Variants in GRIA2 observed in about 807,000 individuals in gnomAD.
GRIA2 encodes the protein glutamate receptor 2.
In GRIA2, 14 loss-of-function variants were observed where a neutral mutation model predicts 97.3. The ratio of observed to expected loss-of-function variants is 0.14; its 90% CI spans 0.10 to 0.23. The LOEUF (loss-of-function observed/expected upper bound fraction) is 0.23, where lower values mean the gene tolerates loss of function less well. Ranked by LOEUF, GRIA2 falls within the 10% of genes least tolerant of loss-of-function variation. The pLI is 1.00. For missense variants in GRIA2, 558 were observed against 1,069.8 expected, an observed-to-expected ratio of 0.52 and a Z score of 6.67; for synonymous variants, 412 against 387.8, an observed-to-expected ratio of 1.06 and a Z score of -0.73.
intron 2 of GRIA2, among the ~76,000 whole-genome samples, chr4:157,271,945 C>T (rs1025785739): frequency 6.6e-5 from 10 of 151,940 alleles, no homozygotes; most frequent in African/African-American, 2.4e-4. Context: ...GCAAAGAATG[C>T]CTTTTAGAAC....
rs1450253116 is a variant in GRIA2 at position 157,363,904 on chromosome 4, C to CT, written c.*475dup. ...TTGTTAGTCTCTTGATTCATAATGA[C>CT]TTAAGCACACTTGACATCAACTGCA... is the stretch of plus-strand genomic sequence containing the variant. On this transcript the variant is annotated 3_prime_UTR_variant, in exon 16 of 16. Transcript: ENST00000264426. 5 of 209,144 alleles carry CT rather than the reference C, an allele frequency of 2.4e-5. No individual in the cohort carries two copies. Among genetic ancestry groups the CT allele is most frequent in the Admixed American group, 1.8e-4 (3 of 17,024 alleles). The allele number at this position is 209,144 out of a possible 1,614,324, so 13.0% of individuals were successfully genotyped here. A position where few individuals can be genotyped will look rare whatever the true frequency, so the allele number is the denominator to read the frequency against.
At chr4:157,222,535 T>C (rs574245095) in intron 2 of GRIA2, among the ~76,000 whole-genome samples, 1 of 152,228 alleles carries the variant, frequency 6.6e-6, no homozygotes, top group African/African-American at 2.4e-5. Flanking sequence ...TCAGTTGCGC[T>C]TCCGCTTAAG....
intron 12 of GRIA2, among the ~76,000 whole-genome samples, chr4:157,356,153 T>TTATATA (rs1736357669): frequency 7.5e-6 from 1 of 132,576 alleles, no homozygotes; most frequent in Admixed American, 8.7e-5. Context: ...TTATATTTAT[T>TTATATA]TATTTATATA....
intron 8 of GRIA2, among the ~76,000 whole-genome samples, chr4:157,333,702 A>G (rs1223769174): frequency 2.0e-5 from 3 of 152,128 alleles, no homozygotes; most frequent in Non-Finnish European, 4.4e-5. Context: ...TTCAACATCA[A>G]CCTTTTAGCT....
intron 2 of GRIA2, among the ~76,000 whole-genome samples, chr4:157,240,548 A>G (rs987606098): frequency 2.0e-5 from 3 of 151,924 alleles, no homozygotes; most frequent in Admixed American, 6.6e-5. Context: ...TCTTCCTGCA[A>G]TTTGAAATCA....
chr4:157,360,728 CTG>C (rs1736597223), intron 13 of GRIA2: 1 of 516,974 alleles, frequency 1.9e-6, no homozygotes, highest in Non-Finnish European at 3.7e-6. Context: ...ATTCAAGACA[CTG>C]TTATTTGTTT....
chr4:157,331,317 C>T (rs537517389), intron 6 of GRIA2, among the ~76,000 whole-genome samples: 1 of 151,864 alleles, frequency 6.6e-6, no homozygotes, highest in East Asian at 1.9e-4. Flanking sequence ...ATTTGTAGAC[C>T]TCAAACACAT....
chr4:157,309,918 C>T (rs570983700), intron 3 of GRIA2, among the ~76,000 whole-genome samples: 7 of 152,106 alleles, frequency 4.6e-5, no homozygotes, highest in African/African-American at 1.7e-4. Flanking sequence ...ATATGAATAG[C>T]ACAGAGACCC....
chr4:157,362,753 C>T, intron 14 of GRIA2, 46 bp from the exon 15 acceptor site: 1 of 1,543,582 alleles, frequency 6.5e-7, no homozygotes, highest in East Asian at 2.3e-5. Context: ...CTCTTCTATT[C>T]ACCAGTTTGC....
At chr4:157,316,898 CT>C (rs1734347550) in intron 4 of GRIA2, among the ~76,000 whole-genome samples, 1 of 152,208 alleles carries the variant, frequency 6.6e-6, no homozygotes, top group Non-Finnish European at 1.5e-5. Flanking sequence ...TTTCTACTCT[CT>C]TCGTAATTGA....
chr4:157,315,963 ATTATAACACAAAGACATGGTGGT>A lies in GRIA2; in HGVS notation c.667-1693_667-1671del, dbSNP rs548728202. 9.2e-5 allele frequency among the ~76,000 whole-genome samples: 14 copies of A among 152,342 alleles called. No individual in the cohort carries two copies. In the South Asian group the frequency reaches 2.9e-3, roughly 32 times the overall value. On this transcript the variant is annotated intron_variant, in intron 4 of 15. Coordinates refer to ENST00000264426, the MANE Select transcript of GRIA2 (RefSeq NM_001083619.3). ...CATTGTCAGTGCAATAATAATTGTT[ATTATAACACAAAGACATGGTGGT>A]TAGTATGGCCAGTGCAAATTTTTAT... is the stretch of plus-strand genomic sequence containing the variant.
rs989624712 is a variant in GRIA2 at position 157,281,442 on chromosome 4, G to A, written c.230-22110G>A. On this transcript the variant is annotated intron_variant, in intron 2 of 15. Coordinates refer to ENST00000264426, the MANE Select transcript of GRIA2 (RefSeq NM_001083619.3). ...AAAAATCATTTTGAACTATTTGTATGCATTTTAGTTCTAGCAGATTTAACT... is the reference window on the plus strand; with the variant it reads ...AAAAATCATTTTGAACTATTTGTATACATTTTAGTTCTAGCAGATTTAACT... Among the ~76,000 whole-genome samples, 5 of 152,032 alleles carry A rather than the reference G, an allele frequency of 3.3e-5. No homozygotes were observed. The South Asian group carries it at 6.2e-4, about 19-fold the overall frequency.
rs771457825 is a variant in GRIA2 at position 157,312,734 on chromosome 4, G to A, written c.525G>A (p.Val175=). Residue 175 remains valine (V), a synonymous_variant, in exon 4 of 16, where the codon GTG becomes GTA. Transcript: ENST00000264426. ...LDSAAEKKWQ[V]TAINVGNINN... is the part of the protein sequence containing the mutation. Reference sequence around the variant, plus strand: ...CTGCTGCTGAAAAGAAATGGCAAGTGACTGCTATCAATGTGGGAAACATTA... The same window carrying A: ...CTGCTGCTGAAAAGAAATGGCAAGTAACTGCTATCAATGTGGGAAACATTA... 7 of 1,610,936 alleles carry A rather than the reference G, an allele frequency of 4.3e-6. No individual in the cohort carries two copies. The African/African-American group carries it at 9.4e-5, about 22-fold the overall frequency.
At position 157,220,988 on chromosome 4, in the gene GRIA2, A is replaced by G; in HGVS notation, c.-55A>G. 1.2e-6 allele frequency: 1 copy of G among 859,228 alleles called. No homozygotes were observed. Among genetic ancestry groups the G allele is most frequent in the Non-Finnish European group, 2.0e-6 (1 of 496,158 alleles). 53.2% of individuals were successfully genotyped at this position (859,228 alleles called of 1,614,324 possible). A position where few individuals can be genotyped will look rare whatever the true frequency, so the allele number is the denominator to read the frequency against. ...AGAGGAAAACAGCCAAAGAAGGAAGAGGAGGAAAAGGAAAAAAAAAGGGGT... is the reference window on the plus strand; with the variant it reads ...AGAGGAAAACAGCCAAAGAAGGAAGGGGAGGAAAAGGAAAAAAAAAGGGGT... On this transcript the variant is annotated 5_prime_UTR_variant, in exon 1 of 16. Coordinates refer to ENST00000264426, the MANE Select transcript of GRIA2 (RefSeq NM_001083619.3).
intron 12 of GRIA2, among the ~76,000 whole-genome samples, chr4:157,359,031 A>T (rs1479984662): frequency 6.6e-6 from 1 of 152,182 alleles, no homozygotes; most frequent in Admixed American, 6.6e-5. Context: ...GATTAAAGTC[A>T]TGAGAAAGTT....
At chr4:157,277,882 G>GTATATATATATGTATATATGTA in intron 2 of GRIA2, among the ~76,000 whole-genome samples, 1 of 140,996 alleles carries the variant, frequency 7.1e-6, no homozygotes, top group East Asian at 2.0e-4. Context: ...GTATATATAT[G>GTATATATATATGTATATATGTA]TATATATGTA....
At chr4:157,307,098 A>T (rs576246098) in intron 3 of GRIA2, among the ~76,000 whole-genome samples, 3 of 152,142 alleles carry the variant, frequency 2.0e-5, no homozygotes, top group African/African-American at 7.2e-5. Context: ...TCAGGAATAT[A>T]TATTGGTTAA....
intron 2 of GRIA2, among the ~76,000 whole-genome samples, chr4:157,293,101 A>T (rs1733180288): frequency 6.6e-6 from 1 of 152,156 alleles, no homozygotes; most frequent in African/African-American, 2.4e-5. Flanking sequence ...TATTTTATTG[A>T]TAGCAATGTT....
intron 2 of GRIA2, among the ~76,000 whole-genome samples, chr4:157,301,844 C>T (rs550855696): frequency 6.6e-6 from 1 of 151,772 alleles, no homozygotes; most frequent in South Asian, 2.1e-4. Context: ...TTGAAATGAC[C>T]CCGAGATTGA....
Sources: gnomAD v4.1 joint callset for allele counts (sites outside exome capture counted in the v4.1 genomes callset) on GRCh38, gnomAD v4.1.1 for gene constraint, MANE v1.5 for transcripts, NCBI Gene and HGNC (gene_info 2026-07-23, HGNC 2026-07-21) for gene names.